GSAP: variants seen among roughly 807,000 people sequenced by gnomAD.
GSAP encodes gamma-secretase activating protein.
Under a neutral mutation model 131.7 loss-of-function variants are expected in GSAP, and 118 were observed. That is an observed-to-expected ratio of 0.90 (90% CI 0.77 to 1.04). GSAP has a LOEUF of 1.04. Ranked by LOEUF, GSAP falls within the 50% of genes least tolerant of loss-of-function variation. GSAP has a pLI of 0.00. For synonymous variants in GSAP, 381 were observed against 363.4 expected, an observed-to-expected ratio of 1.05 and a Z score of -0.55; for missense variants, 1,019 against 1,013.2, an observed-to-expected ratio of 1.01 and a Z score of -0.08.
intron 14 of GSAP, among the ~76,000 whole-genome samples, chr7:77,356,740 G>A (rs962934599): frequency 1.3e-5 from 2 of 152,192 alleles, no homozygotes; most frequent in African/African-American, 4.8e-5. Flanking sequence ...TTAGAAAACA[G>A]AAATTCACAC....
intron 19 of GSAP, among the ~76,000 whole-genome samples, chr7:77,337,304 G>GGT (rs1790155771): frequency 6.8e-6 from 1 of 146,992 alleles, no homozygotes; most frequent in African/African-American, 2.6e-5. Context: ...GGTGGGGTGG[G>GGT]GGGGGGGTTA....
rs531216997 is a variant in GSAP at position 77,362,590 on chromosome 7, A to C, written c.942T>G (p.Ile314Met). The C allele has an allele frequency of 3.9e-6, 6 of 1,528,918 alleles. 1 individual carries two copies. Among genetic ancestry groups the C allele is most frequent in the Non-Finnish European group, 5.4e-6 (6 of 1,104,376 alleles). 94.7% of individuals were successfully genotyped at this position (1,528,918 alleles called of 1,614,324 possible). ...AGAAGACATGAAAAGTACCTTTATG[A>C]ATGTAAAACACTGAATATGTGATTT... ...WGQITYSVFYIHKGHSKTFTT... is the reference protein window; with the variant it reads ...WGQITYSVFYMHKGHSKTFTT... Residue 314 changes from isoleucine (I) to methionine (M), a missense_variant, in exon 13 of 31, where the codon ATT (isoleucine) becomes ATG (methionine). By Grantham distance (10) the Ile-to-Met change is conservative. Coordinates refer to ENST00000257626, the MANE Select transcript of GSAP (RefSeq NM_017439.4).
At chr7:77,416,164 G>A (rs1804411434) in intron 1 of GSAP, 49 bp downstream of exon 1, 2 of 1,102,140 alleles carry the variant, frequency 1.8e-6, no homozygotes, top group East Asian at 3.2e-5. Context: ...GGGGTATGAG[G>A]GACTCCCACT....
In GSAP at chr7:77,374,046, T is replaced by C. The variant is rs1796492339; in HGVS notation, c.871+24A>G. On this transcript the variant is annotated intron_variant, in intron 12 of 30. Coordinates refer to ENST00000257626, the MANE Select transcript of GSAP (RefSeq NM_017439.4). ...TAGAACTCAAATACGGTTGAATAAATTGATAAATACAACCCTAGTTTACCT... is the reference window on the plus strand; with the variant it reads ...TAGAACTCAAATACGGTTGAATAAACTGATAAATACAACCCTAGTTTACCT... 9 of 1,298,750 alleles carry C rather than the reference T, an allele frequency of 6.9e-6. No individual in the cohort carries two copies. The South Asian group carries it at 8.6e-5, about 12-fold the overall frequency. 80.5% of individuals were successfully genotyped at this position (1,298,750 alleles called of 1,614,324 possible). A position where few individuals can be genotyped will look rare whatever the true frequency, so the allele number is the denominator to read the frequency against.
intron 7 of GSAP, 92 bp from the exon 8 acceptor site, chr7:77,381,446 A>G: frequency 1.7e-6 from 1 of 595,866 alleles, no homozygotes; most frequent in Non-Finnish European, 2.9e-6. Flanking sequence ...TTGTTATAAA[A>G]GCAATGCAGA....
At chr7:77,317,180 A>C (rs1442898000) in intron 26 of GSAP, among the ~76,000 whole-genome samples, 1 of 152,176 alleles carries the variant, frequency 6.6e-6, no homozygotes, top group Non-Finnish European at 1.5e-5. Flanking sequence ...GAGAGCATGG[A>C]ATACTATGCA....
chr7:77,363,822 C>A (rs1167859937), intron 12 of GSAP, among the ~76,000 whole-genome samples: 1 of 152,096 alleles, frequency 6.6e-6, no homozygotes, highest in African/African-American at 2.4e-5. Context: ...GTTACGGTTA[C>A]TGAGCACACA....
chr7:77,411,666 A>T (rs1583967462), intron 1 of GSAP, among the ~76,000 whole-genome samples: 1 of 152,232 alleles, frequency 6.6e-6, no homozygotes, highest in Admixed American at 6.5e-5. Flanking sequence ...GAAAGATCCA[A>T]TATTGTAAAG....
intron 5 of GSAP, among the ~76,000 whole-genome samples, chr7:77,388,569 G>T (rs983491580): frequency 6.6e-6 from 1 of 152,146 alleles, no homozygotes; most frequent in Non-Finnish European, 1.5e-5. Flanking sequence ...CTTCCCCCAA[G>T]ATTACACCGT....
chr7:77,311,755 T>C lies in GSAP; in HGVS notation c.2473+86A>G, dbSNP rs73703323. ...GTCTACTTGTATGTTAAAAGGATTT[T>C]GGAAAGAAGACAAAGAAGTGAATAG... On this transcript the variant is annotated intron_variant, in intron 30 of 30. Coordinates refer to ENST00000257626, the MANE Select transcript of GSAP (RefSeq NM_017439.4). 915 of 727,140 alleles carry C rather than the reference T, an allele frequency of 1.3e-3. 10 individuals carry two copies. The African/African-American group carries it at 0.013, about 11-fold the overall frequency. 45.0% of individuals were successfully genotyped at this position (727,140 alleles called of 1,614,324 possible).
intron 14 of GSAP, among the ~76,000 whole-genome samples, chr7:77,359,034 A>C (rs1180654564): frequency 1.3e-5 from 2 of 152,030 alleles, no homozygotes; most frequent in African/African-American, 4.8e-5. Flanking sequence ...AAACTACAAA[A>C]TAATTAGCTA....
At chr7:77,382,898 G>C (rs1179137067) in intron 6 of GSAP, among the ~76,000 whole-genome samples, 2 of 152,030 alleles carry the variant, frequency 1.3e-5, no homozygotes, top group African/African-American at 4.8e-5. Flanking sequence ...TAACAGTAAG[G>C]CTTCTGGCTG....
chr7:77,351,461 A>T, intron 18 of GSAP: 3 of 974,262 alleles, frequency 3.1e-6, no homozygotes, highest in Non-Finnish European at 3.6e-6. Context: ...GAGAAAAATA[A>T]ATGATTTGCA....
intron 6 of GSAP, among the ~76,000 whole-genome samples, chr7:77,383,478 G>C (rs541214430): frequency 3.9e-4 from 59 of 152,204 alleles, no homozygotes; most frequent in African/African-American, 1.4e-3. Context: ...TGTCAAGAAA[G>C]AACAGTGAGT....
At chr7:77,353,904 C>T (rs1280838330) in intron 16 of GSAP, among the ~76,000 whole-genome samples, 2 of 152,046 alleles carry the variant, frequency 1.3e-5, no homozygotes, top group Non-Finnish European at 1.5e-5. Flanking sequence ...CTCAACCTAA[C>T]GTTTGTGCAA....
Position 77,314,458 on chromosome 7 carries a change from G to A in GSAP, c.2121C>T (p.Val707=). ...GFHTLHTILG[V]QCLPLHNLLH... ...GCAGGTTATGCAAAGGGAGACACTG[G>A]ACCCCGAGGATGGTGTGCAGAGTAT... Residue 707 remains valine, a synonymous_variant, in exon 27 of 31, where the codon GTC becomes GTT. Transcript: ENST00000257626. 1 of 1,613,746 alleles carries A rather than the reference G, an allele frequency of 6.2e-7. No individual in the cohort carries two copies. Among genetic ancestry groups the A allele is most frequent in the Non-Finnish European group, 8.5e-7 (1 of 1,179,720 alleles).
chr7:77,391,551 A>G (rs1799541262), intron 5 of GSAP, among the ~76,000 whole-genome samples: 1 of 152,166 alleles, frequency 6.6e-6, no homozygotes, highest in Non-Finnish European at 1.5e-5. Context: ...CATGCAGGGC[A>G]AGGTGCTCAC....
At chr7:77,390,864 G>T (rs1286194352) in intron 5 of GSAP, among the ~76,000 whole-genome samples, 1 of 143,132 alleles carries the variant, frequency 7.0e-6, no homozygotes, top group Non-Finnish European at 1.5e-5. Context: ...CAGGAGACTC[G>T]CTTGAAACCA....
chr7:77,390,425 A>C (rs973987536), intron 5 of GSAP, among the ~76,000 whole-genome samples: 3 of 152,126 alleles, frequency 2.0e-5, no homozygotes, highest in African/African-American at 7.2e-5. Flanking sequence ...TAGGTCTTAC[A>C]TTTAAGTCTT....
Sources: allele counts gnomAD v4.1 joint callset (sites outside exome capture counted in the v4.1 genomes callset), GRCh38; gene constraint gnomAD v4.1.1; transcripts MANE v1.5; gene names NCBI Gene and HGNC (gene_info 2026-07-23, HGNC 2026-07-21).